GPR52: variants seen among roughly 807,000 people sequenced by gnomAD.
GPR52 encodes probable G-protein coupled receptor 52.
A neutral mutation model predicts 24.0 loss-of-function variants in GPR52; 8 were observed. The observed-to-expected ratio is 0.33, with a 90% CI of 0.20 to 0.60. GPR52 has a LOEUF of 0.60. Ranked by LOEUF, GPR52 falls within the 20% of genes least tolerant of loss-of-function variation. The pLI is 0.82. For missense variants in GPR52, 412 were observed against 447.7 expected, an observed-to-expected ratio of 0.92 and a Z score of 0.72; for synonymous variants, 144 against 158.1, an observed-to-expected ratio of 0.91 and a Z score of 0.67.
rs1392567485 is a variant in GPR52 at position 174,448,220 on chromosome 1, G to A, written c.109G>A (p.Val37Met). 6.2e-7 allele frequency: 1 copy of A among 1,614,090 alleles called. No individual in the cohort carries two copies. Among genetic ancestry groups the A allele is most frequent in the South Asian group, 1.1e-5 (1 of 91,080 alleles). The change falls in exon 1 of 1, where the codon GTG becomes ATG. Residue 37 changes from valine to methionine, a missense_variant. Val to Met is a conservative substitution (Grantham distance 21). Transcript: ENST00000367685. The surrounding 1 kb of genome is among the most constrained non-coding windows in gnomAD (Gnocchi z 4.2). ...ACTTGGATTTGGCCACTACAGTGTG[G>A]TGGATGTCTGCATCTTCGAGACAGT... ...CPLGFGHYSVVDVCIFETVVI... is the reference protein window; with the variant it reads ...CPLGFGHYSVMDVCIFETVVI...
chr1:174,449,067 T>G lies in GPR52; in HGVS notation c.956T>G (p.Leu319Arg). The change falls in exon 1 of 1, where the codon CTC becomes CGC. Residue 319 changes from leucine (L) to arginine (R), a missense_variant. By Grantham distance (102) the Leu-to-Arg change is moderately radical. Coordinates refer to ENST00000367685, the MANE Select transcript of GPR52 (RefSeq NM_005684.5). ...NSFCNCVIYS[L>R]SNSVFRLGLR... ...TTTTGTAACTGTGTAATATACAGCCTCTCCAACAGCGTTTTCCGGCTAGGC... is the reference window on the plus strand; with the variant it reads ...TTTTGTAACTGTGTAATATACAGCCGCTCCAACAGCGTTTTCCGGCTAGGC... 6.2e-7 allele frequency: 1 copy of G among 1,614,086 alleles called. No individual in the cohort carries two copies. The highest frequency in any genetic ancestry group is 1.7e-5 in the Admixed American group (1 of 60,030).
rs1291196321 is a variant in GPR52 at position 174,448,002 on chromosome 1, C to G, written c.-110C>G. 6 of 843,424 alleles carry G rather than the reference C, an allele frequency of 7.1e-6. No individual in the cohort carries two copies. Among genetic ancestry groups the G allele is most frequent in the Non-Finnish European group, 1.1e-5 (6 of 527,444 alleles). 52.2% of individuals were successfully genotyped at this position (843,424 alleles called of 1,614,324 possible). Reference sequence around the variant, plus strand: ...CTCAGCTGTGACAGAAGCACTGACACTGTCTACTGAAGCAGGTTCTGAAAC... The same window carrying G: ...CTCAGCTGTGACAGAAGCACTGACAGTGTCTACTGAAGCAGGTTCTGAAAC... On this transcript the variant is annotated 5_prime_UTR_variant, in exon 1 of 1. Coordinates refer to ENST00000367685, the MANE Select transcript of GPR52 (RefSeq NM_005684.5). This position sits in a 1 kb window ranked among gnomAD's most constrained non-coding sequence, Gnocchi z 4.2.
Position 174,448,976 on chromosome 1 carries a change from A to C in GPR52, c.865A>C (p.Ser289Arg). 1 of 1,613,908 alleles carries C rather than the reference A, an allele frequency of 6.2e-7. No homozygotes were observed. Among genetic ancestry groups the C allele is most frequent in the Non-Finnish European group, 8.5e-7 (1 of 1,179,834 alleles). Reference protein sequence around the residue: ...LPYIIYFLLESSRVLDNPTLS... With the variant: ...LPYIIYFLLERSRVLDNPTLS... The stretch of plus-strand genomic sequence containing the variant: ...CTATATAATTTACTTTCTTCTAGAA[A>C]GCTCCCGGGTCTTGGACAATCCAAC... The change falls in exon 1 of 1, where the codon AGC becomes CGC. Residue 289 changes from serine (S) to arginine (R), a missense_variant. Physicochemically the swap from Ser to Arg is moderately radical, Grantham distance 110 (BLOSUM62 -1). Transcript: ENST00000367685. The surrounding 1 kb of genome is among the most constrained non-coding windows in gnomAD (Gnocchi z 4.2).
Position 174,448,566 on chromosome 1 carries a change from T to G in GPR52, c.455T>G (p.Leu152Arg), listed in dbSNP as rs1655059787. The G allele has an allele frequency of 6.2e-7, 1 of 1,613,664 alleles. No homozygotes were observed. The highest frequency in any genetic ancestry group is 8.5e-7 in the Non-Finnish European group (1 of 1,179,588). ...AITKPLSYNQ[L>R]VTPCRLRICI... Reference sequence around the variant, plus strand: ...ACCAAGCCTCTTTCCTACAATCAACTGGTCACCCCTTGTCGCTTGAGAATT... The same window carrying G: ...ACCAAGCCTCTTTCCTACAATCAACGGGTCACCCCTTGTCGCTTGAGAATT... The change falls in exon 1 of 1, where the codon CTG becomes CGG. Residue 152 changes from leucine (L) to arginine (R), a missense_variant. Physicochemically the swap from Leu to Arg is moderately radical, Grantham distance 102. Coordinates refer to ENST00000367685, the MANE Select transcript of GPR52 (RefSeq NM_005684.5). The surrounding 1 kb of genome is among the most constrained non-coding windows in gnomAD (Gnocchi z 4.2).
chr1:174,448,546 G>T lies in GPR52; in HGVS notation c.435G>T (p.Lys145Asn). 6.2e-7 allele frequency: 1 copy of T among 1,612,476 alleles called. No homozygotes were observed. The highest frequency in any genetic ancestry group is 8.5e-7 in the Non-Finnish European group (1 of 1,179,054). Residue 145 changes from lysine to asparagine, a missense_variant, in exon 1 of 1, where the codon AAG (lysine) becomes AAT (asparagine). Lys to Asn is a moderately conservative substitution (Grantham distance 94). Coordinates refer to ENST00000367685, the MANE Select transcript of GPR52 (RefSeq NM_005684.5). The surrounding 1 kb of genome is among the most constrained non-coding windows in gnomAD (Gnocchi z 4.2). ...TGGATCGTTATCTTGCAATAACCAA[G>T]CCTCTTTCCTACAATCAACTGGTCA... The part of the protein sequence containing the change: ...ISVDRYLAIT[K>N]PLSYNQLVTP...
chr1:174,448,324 A>G lies in GPR52; in HGVS notation c.213A>G (p.Leu71=), dbSNP rs1655024028. 7.4e-6 allele frequency: 12 copies of G among 1,613,604 alleles called. No homozygotes were observed. In the East Asian group the frequency reaches 2.7e-4, roughly 36 times the overall value. ...VIFVFHCAPL[L]HHYTTSYFIQ... is the part of the protein sequence containing the mutation. ...TTGTCTTTCATTGTGCTCCACTGTTACATCATTATACTACCAGCTATTTCA... is the reference window on the plus strand; with the variant it reads ...TTGTCTTTCATTGTGCTCCACTGTTGCATCATTATACTACCAGCTATTTCA... Residue 71 remains leucine (L), a synonymous_variant, in exon 1 of 1, where the codon TTA becomes TTG. Coordinates refer to ENST00000367685, the MANE Select transcript of GPR52 (RefSeq NM_005684.5). This position sits in a 1 kb window ranked among gnomAD's most constrained non-coding sequence, Gnocchi z 4.2.
In GPR52 at chr1:174,448,079, C is replaced by A; in HGVS notation, c.-33C>A. ...TGGGCAGGGCATCTGCTTGCTGTAGCCAAGTCTGCAGGTGTCTTTAAATTT... is the reference window on the plus strand; with the variant it reads ...TGGGCAGGGCATCTGCTTGCTGTAGACAAGTCTGCAGGTGTCTTTAAATTT... On this transcript the variant is annotated 5_prime_UTR_variant, in exon 1 of 1. Coordinates refer to ENST00000367685, the MANE Select transcript of GPR52 (RefSeq NM_005684.5). The surrounding 1 kb of genome is among the most constrained non-coding windows in gnomAD (Gnocchi z 4.2). The A allele has an allele frequency of 2.5e-6, 4 of 1,578,536 alleles. No homozygotes were observed. Among genetic ancestry groups the A allele is most frequent in the Non-Finnish European group, 3.4e-6 (4 of 1,160,014 alleles).
chr1:174,448,792 C>A lies in GPR52; in HGVS notation c.681C>A (p.Phe227Leu), dbSNP rs777572121. 6.2e-7 allele frequency: 1 copy of A among 1,613,974 alleles called. No homozygotes were observed. The highest frequency in any genetic ancestry group is 1.1e-5 in the South Asian group (1 of 91,076). ...FVVCFTYFHI[F>L]KICRQHTKEI... Reference sequence around the variant, plus strand: ...TCTGCTTCACTTACTTCCACATTTTCAAAATTTGCCGTCAGCACACCAAAG... The same window carrying A: ...TCTGCTTCACTTACTTCCACATTTTAAAAATTTGCCGTCAGCACACCAAAG... Residue 227 changes from phenylalanine (F) to leucine (L), a missense_variant, in exon 1 of 1, where the codon TTC (phenylalanine) becomes TTA (leucine). Coordinates refer to ENST00000367685, the MANE Select transcript of GPR52 (RefSeq NM_005684.5). This position sits in a 1 kb window ranked among gnomAD's most constrained non-coding sequence, Gnocchi z 4.2.
chr1:174,448,405 T>C lies in GPR52; in HGVS notation c.294T>C (p.Thr98=). The change falls in exon 1 of 1, where the codon ACT becomes ACC. Residue 98 remains threonine (T), a synonymous_variant. Transcript: ENST00000367685. The surrounding 1 kb of genome is among the most constrained non-coding windows in gnomAD (Gnocchi z 4.2). The stretch of plus-strand genomic sequence containing the variant: ...TTGGAGTTAGCTGCTTGGTTCCTAC[T>C]CTGTCACTTCTCCACTACTCCACAG... The part of the protein sequence containing the change: ...LFVGVSCLVP[T]LSLLHYSTGV... 1 of 1,613,288 alleles carries C rather than the reference T, an allele frequency of 6.2e-7. No individual in the cohort carries two copies. The highest frequency in any genetic ancestry group is 8.5e-7 in the Non-Finnish European group (1 of 1,179,216).
chr1:174,449,072 A>G lies in GPR52; in HGVS notation c.961A>G (p.Asn321Asp). The G allele has an allele frequency of 6.2e-7, 1 of 1,614,108 alleles. No homozygotes were observed. Among genetic ancestry groups the G allele is most frequent in the Non-Finnish European group, 8.5e-7 (1 of 1,179,936 alleles). ...TAACTGTGTAATATACAGCCTCTCC[A>G]ACAGCGTTTTCCGGCTAGGCCTCCG... is the stretch of plus-strand genomic sequence containing the variant. ...FCNCVIYSLS[N>D]SVFRLGLRRL... The change falls in exon 1 of 1, where the codon AAC becomes GAC. Residue 321 changes from asparagine to aspartate, a missense_variant. Asn to Asp is a conservative substitution (Grantham distance 23). Transcript: ENST00000367685.
Position 174,449,188 on chromosome 1 carries a change from C to G in GPR52, c.1077C>G (p.Cys359Trp). Residue 359 changes from cysteine to tryptophan, a missense_variant, in exon 1 of 1, where the codon TGC becomes TGG. By Grantham distance (215) the Cys-to-Trp change is radical (BLOSUM62 -2). Transcript: ENST00000367685. ...EPKPRKRANS[C>W]SI ...AACCTAGGAAACGGGCTAATTCTTG[C>G]TCCATTTGAAGAGAGCTACATAGTA... 1 of 1,595,368 alleles carries G rather than the reference C, an allele frequency of 6.3e-7. No homozygotes were observed. Among genetic ancestry groups the G allele is most frequent in the East Asian group, 2.2e-5 (1 of 44,812 alleles).
rs1410610740 is a variant in GPR52, at chr1:174,448,129, G to A, written c.18G>A (p.Trp6Ter). Reference sequence around the variant, plus strand: ...TCCAAGCCATGAATGAATCCAGGTGGACTGAATGGAGGATCCTGAACATGA... The same window carrying A: ...TCCAAGCCATGAATGAATCCAGGTGAACTGAATGGAGGATCCTGAACATGA... MNESR[W>*]TEWRILNMSS... The change falls in exon 1 of 1, where the codon TGG becomes TGA. Residue 6 changes from tryptophan to a stop codon, truncating the protein, a stop_gained. Transcript: ENST00000367685. LOFTEE classifies it high-confidence loss of function. This position sits in a 1 kb window ranked among gnomAD's most constrained non-coding sequence, Gnocchi z 4.2. The A allele has an allele frequency of 6.2e-7, 1 of 1,612,348 alleles. No homozygotes were observed. The highest frequency in any genetic ancestry group is 1.7e-5 in the Admixed American group (1 of 59,962).
In GPR52 at chr1:174,448,770, G is replaced by A. The variant is rs1352757472; in HGVS notation, c.659G>A (p.Cys220Tyr). The change falls in exon 1 of 1, where the codon TGC (cysteine) becomes TAC (tyrosine). Residue 220 changes from cysteine (C) to tyrosine (Y), a missense_variant. Physicochemically the swap from Cys to Tyr is radical, Grantham distance 194. Transcript: ENST00000367685. This position sits in a 1 kb window ranked among gnomAD's most constrained non-coding sequence, Gnocchi z 4.2. ...TATGCTCCTGCTGCCTTTGTTGTCTGCTTCACTTACTTCCACATTTTCAAA... is the reference window on the plus strand; with the variant it reads ...TATGCTCCTGCTGCCTTTGTTGTCTACTTCACTTACTTCCACATTTTCAAA... ...LLYAPAAFVV[C>Y]FTYFHIFKIC... is the part of the protein sequence containing the mutation. The A allele has an allele frequency of 6.2e-7, 1 of 1,613,814 alleles. No individual in the cohort carries two copies. The highest frequency in any genetic ancestry group is 1.7e-5 in the Admixed American group (1 of 60,014).
chr1:174,447,988 CAG>C lies in GPR52; in HGVS notation c.-122_-121del. On this transcript the variant is annotated 5_prime_UTR_variant, in exon 1 of 1. Coordinates refer to ENST00000367685, the MANE Select transcript of GPR52 (RefSeq NM_005684.5). ...CACTCTCTGGGACTCTCAGCTGTGA[CAG>C]AAGCACTGACACTGTCTACTGAAGC... 1.4e-6 allele frequency: 1 copy of C among 701,916 alleles called. No homozygotes were observed. Among genetic ancestry groups the C allele is most frequent in the South Asian group, 1.8e-5 (1 of 56,902 alleles). The allele number at this position is 701,916 out of a possible 1,614,324, so 43.5% of individuals were successfully genotyped here.
chr1:174,448,325 C>T lies in GPR52; in HGVS notation c.214C>T (p.His72Tyr). 6.2e-7 allele frequency: 1 copy of T among 1,613,496 alleles called. No homozygotes were observed. The highest frequency in any genetic ancestry group is 2.2e-5 in the East Asian group (1 of 44,878). ...IFVFHCAPLL[H>Y]HYTTSYFIQT... ...TGTCTTTCATTGTGCTCCACTGTTA[C>T]ATCATTATACTACCAGCTATTTCAT... The change falls in exon 1 of 1, where the codon CAT (histidine) becomes TAT (tyrosine). Residue 72 changes from histidine (H) to tyrosine (Y), a missense_variant. Physicochemically the swap from His to Tyr is moderately conservative, Grantham distance 83. Coordinates refer to ENST00000367685, the MANE Select transcript of GPR52 (RefSeq NM_005684.5). The surrounding 1 kb of genome is among the most constrained non-coding windows in gnomAD (Gnocchi z 4.2).
At position 174,449,230 on chromosome 1, in the gene GPR52, A is replaced by G; in HGVS notation, c.*33A>G. 2.6e-6 allele frequency: 4 copies of G among 1,516,728 alleles called. No homozygotes were observed. Among genetic ancestry groups the G allele is most frequent in the Non-Finnish European group, 3.5e-6 (4 of 1,133,146 alleles). The allele number at this position is 1,516,728 out of a possible 1,614,324, so 94.0% of individuals were successfully genotyped here. ...TACATAGTAAATCAAATGTAATCTGACAGTGGTTTTGGATCATATTCTAGA... is the reference window on the plus strand; with the variant it reads ...TACATAGTAAATCAAATGTAATCTGGCAGTGGTTTTGGATCATATTCTAGA... On this transcript the variant is annotated 3_prime_UTR_variant, in exon 1 of 1. Coordinates refer to ENST00000367685, the MANE Select transcript of GPR52 (RefSeq NM_005684.5).
At position 174,449,271 on chromosome 1, in the gene GPR52, G is replaced by A; in HGVS notation, c.*74G>A. 7.8e-7 allele frequency: 1 copy of A among 1,282,524 alleles called. No individual in the cohort carries two copies. Among genetic ancestry groups the A allele is most frequent in the Admixed American group, 2.4e-5 (1 of 41,202 alleles). 79.4% of individuals were successfully genotyped at this position (1,282,524 alleles called of 1,614,324 possible). A position where few individuals can be genotyped will look rare whatever the true frequency, so the allele number is the denominator to read the frequency against. On this transcript the variant is annotated 3_prime_UTR_variant, in exon 1 of 1. Coordinates refer to ENST00000367685, the MANE Select transcript of GPR52 (RefSeq NM_005684.5). ...ATATTCTAGATTCATCTGGAAATTTGCCATCAGAGAAATATTTACTTGAAT... is the reference window on the plus strand; with the variant it reads ...ATATTCTAGATTCATCTGGAAATTTACCATCAGAGAAATATTTACTTGAAT...
At position 174,448,814 on chromosome 1, in the gene GPR52, A is replaced by G; in HGVS notation, c.703A>G (p.Lys235Glu). ...TTTCAAAATTTGCCGTCAGCACACC[A>G]AAGAGATAAATGACCGAAGAGCCCG... ...HIFKICRQHTKEINDRRARFP... is the reference protein window; with the variant it reads ...HIFKICRQHTEEINDRRARFP... The change falls in exon 1 of 1, where the codon AAA (lysine) becomes GAA (glutamate). Residue 235 changes from lysine to glutamate, a missense_variant. Lys to Glu is a moderately conservative substitution (Grantham distance 56, BLOSUM62 1). Coordinates refer to ENST00000367685, the MANE Select transcript of GPR52 (RefSeq NM_005684.5). The surrounding 1 kb of genome is among the most constrained non-coding windows in gnomAD (Gnocchi z 4.2). 1 of 1,614,122 alleles carries G rather than the reference A, an allele frequency of 6.2e-7. No homozygotes were observed. Among genetic ancestry groups the G allele is most frequent in the African/African-American group, 1.3e-5 (1 of 75,052 alleles).
At position 174,449,077 on chromosome 1, in the gene GPR52, C is replaced by T. The variant is rs755916647; in HGVS notation, c.966C>T (p.Ser322=). The change falls in exon 1 of 1, where the codon AGC becomes AGT. Residue 322 remains serine (S), a synonymous_variant. Transcript: ENST00000367685. The stretch of plus-strand genomic sequence containing the variant: ...GTGTAATATACAGCCTCTCCAACAG[C>T]GTTTTCCGGCTAGGCCTCCGAAGAC... The part of the protein sequence containing the change: ...CNCVIYSLSN[S]VFRLGLRRLS... 9.9e-6 allele frequency: 16 copies of T among 1,614,018 alleles called. No individual in the cohort carries two copies. Among genetic ancestry groups the T allele is most frequent in the Admixed American group, 6.7e-5 (4 of 60,028 alleles).
Sources: gnomAD v4.1 joint callset for allele counts on GRCh38, gnomAD v4.1.1 for gene constraint, Gnocchi (gnomAD v3.1) non-coding constraint, MANE v1.5 for transcripts, NCBI Gene and HGNC (gene_info 2026-07-23, HGNC 2026-07-21) for gene names.